Variants in RAD51B observed in about 807,000 individuals in gnomAD.
RAD51B encodes the protein RAD51 paralog B, also known as DNA repair protein RAD51 homolog 2.
RAD51B carries 38 observed loss-of-function variants against 42.2 expected under a neutral mutation model. The observed-to-expected ratio is 0.90, with a 90% CI of 0.70 to 1.18. The LOEUF (loss-of-function observed/expected upper bound fraction) is 1.18. RAD51B is among the 50% of genes most tolerant of loss of function. The pLI is 0.00. For synonymous variants in RAD51B, 154 were observed against 145.2 expected (o/e 1.06, Z -0.43); for missense variants, 373 against 400.7 (o/e 0.93, Z 0.59).
chr14:68,093,169 G>A (rs553588939), intron 7 of RAD51B, among the ~76,000 whole-genome samples: 3 of 150,806 alleles, frequency 2.0e-5, no homozygotes, highest in Non-Finnish European at 4.4e-5. Context: ...CTCTTTTTTT[G>A]TTGTGTCTCT....
chr14:68,306,636 G>A (rs2180770), intron 8 of RAD51B: 293,817 of 512,066 alleles, frequency 0.57, 89,842 homozygotes, highest in South Asian at 0.65. Context: ...TGATCCTCTG[G>A]CCTAATAAAC....
intron 10 of RAD51B, among the ~76,000 whole-genome samples, chr14:68,550,384 C>T (rs150611840): frequency 1.3e-5 from 2 of 152,178 alleles, no homozygotes; most frequent in African/African-American, 4.8e-5. Context: ...TGCAGCGAAA[C>T]GTCATTGGTT....
chr14:68,671,482 T>A (rs1363974566), intron 11 of RAD51B, among the ~76,000 whole-genome samples: 5 of 152,054 alleles, frequency 3.3e-5, no homozygotes, highest in South Asian at 2.1e-4. Context: ...TCCTTGCTCA[T>A]TCCATTCCCT....
At chr14:68,668,819 G>T (rs1566968187) in intron 11 of RAD51B, among the ~76,000 whole-genome samples, 1 of 152,224 alleles carries the variant, frequency 6.6e-6, no homozygotes, top group Admixed American at 6.5e-5. Flanking sequence ...CAAGTCAGGG[G>T]CAGCATCTGC....
intron 9 of RAD51B, among the ~76,000 whole-genome samples, chr14:68,437,241 A>T (rs1354756409): frequency 6.6e-6 from 1 of 152,150 alleles, no homozygotes; most frequent in Non-Finnish European, 1.5e-5. Flanking sequence ...ATTTTCTCAG[A>T]AGCTTCCGCA....
chr14:67,879,564 T>A (rs527350062), intron 5 of RAD51B, among the ~76,000 whole-genome samples: 1 of 152,120 alleles, frequency 6.6e-6, no homozygotes, highest in Non-Finnish European at 1.5e-5. Flanking sequence ...TGCCTCAGCC[T>A]CCTGAGTAGC....
intron 8 of RAD51B, among the ~76,000 whole-genome samples, chr14:68,310,729 C>T (rs929140033): frequency 1.3e-5 from 2 of 152,072 alleles, no homozygotes; most frequent in Non-Finnish European, 1.5e-5. Flanking sequence ...TCTGTAATCC[C>T]GGCTACTCGG....
intron 7 of RAD51B, among the ~76,000 whole-genome samples, chr14:67,959,156 AAAT>A (rs2074607905): frequency 6.6e-6 from 1 of 152,188 alleles, no homozygotes; most frequent in African/African-American, 2.4e-5. Context: ...TATACATATA[AAAT>A]AATAATCACC....
chr14:68,238,350 G>T (rs2080310545), intron 7 of RAD51B, among the ~76,000 whole-genome samples: 1 of 152,072 alleles, frequency 6.6e-6, no homozygotes, highest in Admixed American at 6.6e-5. Flanking sequence ...GCCCCAGCTG[G>T]AGTACAGTGG....
chr14:67,884,946 C>CT (rs576463803), intron 5 of RAD51B, among the ~76,000 whole-genome samples: 135 of 152,250 alleles, frequency 8.9e-4, no homozygotes, highest in Admixed American at 2.9e-3. Context: ...TCTCAGAACT[C>CT]TAACTATTTA....
chr14:68,264,903 G>T (rs1370645861), intron 7 of RAD51B, among the ~76,000 whole-genome samples: 1 of 152,108 alleles, frequency 6.6e-6, no homozygotes, highest in African/African-American at 2.4e-5. Flanking sequence ...AGGCTGCATC[G>T]GGTAGCAGAA....
intron 7 of RAD51B, among the ~76,000 whole-genome samples, chr14:68,148,664 C>A (rs1228595842): frequency 6.6e-6 from 1 of 152,170 alleles, no homozygotes; most frequent in African/African-American, 2.4e-5. Context: ...GATACTCTCT[C>A]GTGATACTGT....
At chr14:68,242,728 C>T (rs1170383741) in intron 7 of RAD51B, among the ~76,000 whole-genome samples, 2 of 152,198 alleles carry the variant, frequency 1.3e-5, no homozygotes, top group Admixed American at 1.3e-4. Flanking sequence ...ACTTTTCACA[C>T]ATTATCTCTT....
intron 7 of RAD51B, among the ~76,000 whole-genome samples, chr14:68,218,554 A>G (rs1186006408): frequency 1.3e-5 from 2 of 152,238 alleles, no homozygotes; most frequent in Non-Finnish European, 2.9e-5. Context: ...TGTAAGTGCT[A>G]TTGATGTGGC....
chr14:68,098,112 C>T (rs559828674), intron 7 of RAD51B, among the ~76,000 whole-genome samples: 1 of 152,198 alleles, frequency 6.6e-6, no homozygotes, highest in Non-Finnish European at 1.5e-5. Context: ...TCATGACTGA[C>T]TTACTTATCT....
chr14:68,238,856 G>C (rs2080323040), intron 7 of RAD51B, among the ~76,000 whole-genome samples: 1 of 152,158 alleles, frequency 6.6e-6, no homozygotes, highest in Admixed American at 6.5e-5. Flanking sequence ...TGTGACCTTG[G>C]GCAAGATGTG....
chr14:67,831,321 G>A (rs950882039), intron 3 of RAD51B, among the ~76,000 whole-genome samples: 9 of 152,184 alleles, frequency 5.9e-5, no homozygotes, highest in African/African-American at 2.2e-4. Flanking sequence ...CAGAATGGAT[G>A]AGTGATTGCC....
At chr14:68,338,483 A>G (rs1027777281) in intron 8 of RAD51B, among the ~76,000 whole-genome samples, 1 of 152,208 alleles carries the variant, frequency 6.6e-6, no homozygotes, top group Non-Finnish European at 1.5e-5. Context: ...ACTAGCATCA[A>G]TGAATCTAAA....
intron 7 of RAD51B, among the ~76,000 whole-genome samples, chr14:68,150,762 C>T (rs940846069): frequency 6.6e-6 from 1 of 152,008 alleles, no homozygotes; most frequent in African/African-American, 2.4e-5. Flanking sequence ...TAGTGATGGC[C>T]ATAGGATTTG....
Sources: gnomAD v4.1 joint callset for allele counts (sites outside exome capture counted in the v4.1 genomes callset) on GRCh38, gnomAD v4.1.1 for gene constraint, MANE v1.5 for transcripts, NCBI Gene and HGNC (gene_info 2026-07-23, HGNC 2026-07-21) for gene names.